The following TRPC6 variants were observed in gnomAD, a reference collection of about 807,000 sequenced individuals.
TRPC6 encodes the protein short transient receptor potential channel 6.
A neutral mutation model predicts 90.7 loss-of-function variants in TRPC6; 55 were observed. That is an observed-to-expected ratio of 0.61 (90% CI 0.49 to 0.76). The LOEUF (loss-of-function observed/expected upper bound fraction) is 0.76. TRPC6 is among the 30% of genes least tolerant of loss of function. The probability of loss-of-function intolerance (pLI) is 0.00; values close to 1 mark genes in which losing one functional copy is unlikely to be tolerated. For synonymous variants in TRPC6, 393 were observed against 393.0 expected, an observed-to-expected ratio of 1.00 and a Z score of 0.00; for missense variants, 989 against 1,122.7, an observed-to-expected ratio of 0.88 and a Z score of 1.70.
chr11:101,482,516 G>T lies in TRPC6; in HGVS notation c.1510+433C>A, dbSNP rs72984281. 3.9e-3 allele frequency among the ~76,000 whole-genome samples: 601 copies of T among 152,296 alleles called. 3 individuals are homozygous for T. Among genetic ancestry groups the T allele is most frequent in the Non-Finnish European group, 6.6e-3 (446 of 68,024 alleles). On this transcript the variant is annotated intron_variant, in intron 5 of 12. Coordinates refer to ENST00000344327, the MANE Select transcript of TRPC6 (RefSeq NM_004621.6). ...GTGCAAAGAAATGATGTGATTTGAT[G>T]TATATAAAGTGCTTGGAATAATTCT...
intron 1 of TRPC6, among the ~76,000 whole-genome samples, chr11:101,562,648 T>C (rs1459474589): frequency 6.6e-6 from 1 of 152,204 alleles, no homozygotes; most frequent in African/African-American, 2.4e-5. Flanking sequence ...TGTTGTGAGC[T>C]GAAGCATAAT....
chr11:101,452,211 A>G lies in TRPC6; in HGVS notation c.*744T>C, dbSNP rs1858779014. The G allele has an allele frequency of 2.1e-5, 3 of 144,650 alleles. No individual in the cohort carries two copies. In the Admixed American group the frequency reaches 2.1e-4, roughly 10 times the overall value. The allele number at this position is 144,650 out of a possible 1,614,324, so 9.0% of individuals were successfully genotyped here. On this transcript the variant is annotated 3_prime_UTR_variant, in exon 13 of 13. Coordinates refer to ENST00000344327, the MANE Select transcript of TRPC6 (RefSeq NM_004621.6). ...TAGTGACAATAAAAATTTATAACATAAAGAGCTTTTGTGTGTCCACATTAG... is the reference window on the plus strand; with the variant it reads ...TAGTGACAATAAAAATTTATAACATGAAGAGCTTTTGTGTGTCCACATTAG...
At chr11:101,583,268 C>T (rs1324855173) in intron 1 of TRPC6, 66 bp downstream of exon 1, 9 of 1,520,634 alleles carry the variant, frequency 5.9e-6, no homozygotes, top group African/African-American at 2.8e-5. Flanking sequence ...CTCGGCCACT[C>T]CTGCGAGCGC....
At chr11:101,472,361 A>C in intron 7 of TRPC6, 29 bp from the exon 8 acceptor site, 1 of 1,593,384 alleles carries the variant, frequency 6.3e-7, no homozygotes, top group Non-Finnish European at 8.6e-7. Flanking sequence ...AAGAAAAGAA[A>C]TAAGAAAGTG....
At position 101,475,806 on chromosome 11, in the gene TRPC6, T is replaced by C. The variant is rs1859400972; in HGVS notation, c.1744+495A>G. ...TTCATGTTGTTACAAATGACAGGAT[T>C]TTCTTCTTTTAAAAGGTGGAATACT... is the stretch of plus-strand genomic sequence containing the variant. On this transcript the variant is annotated intron_variant, in intron 6 of 12. Coordinates refer to ENST00000344327, the MANE Select transcript of TRPC6 (RefSeq NM_004621.6). Among the ~76,000 whole-genome samples, 2 of 151,510 alleles carry C rather than the reference T, an allele frequency of 1.3e-5. 1 individual carries two copies. The highest frequency in any genetic ancestry group is 4.2e-4 in the South Asian group (2 of 4,818).
intron 2 of TRPC6, 101 bp downstream of exon 2, chr11:101,503,923 G>A: frequency 7.1e-7 from 1 of 1,417,848 alleles, no homozygotes; most frequent in Non-Finnish European, 1.0e-6. Flanking sequence ...ATGACCTAGT[G>A]TCCACAGTAA....
intron 1 of TRPC6, among the ~76,000 whole-genome samples, chr11:101,522,226 G>C (rs541824673): frequency 5.0e-4 from 76 of 152,264 alleles, no homozygotes; most frequent in Non-Finnish European, 8.8e-4. Context: ...GATCAAATAT[G>C]GGTATGGATA....
chr11:101,566,052 G>A (rs1243672954), intron 1 of TRPC6, among the ~76,000 whole-genome samples: 1 of 151,892 alleles, frequency 6.6e-6, no homozygotes. Flanking sequence ...TTAGATTCTT[G>A]CAGGTAAGAA....
At chr11:101,579,700 T>C (rs1862150280) in intron 1 of TRPC6, among the ~76,000 whole-genome samples, 2 of 152,200 alleles carry the variant, frequency 1.3e-5, no homozygotes, top group African/African-American at 4.8e-5. Context: ...AGGGGAGTGT[T>C]CTTTTCTTCT....
chr11:101,582,936 C>A (rs552477256), intron 1 of TRPC6, among the ~76,000 whole-genome samples: 6 of 152,270 alleles, frequency 3.9e-5, no homozygotes, highest in African/African-American at 1.2e-4. Context: ...GGCTAAGAGT[C>A]ACCCGGGCGC....
At chr11:101,561,397 C>T (rs1353239748) in intron 1 of TRPC6, among the ~76,000 whole-genome samples, 1 of 152,126 alleles carries the variant, frequency 6.6e-6, no homozygotes, top group Non-Finnish European at 1.5e-5. Flanking sequence ...TTAGAATAAG[C>T]ACCCTTATAA....
chr11:101,524,538 G>A (rs1036881362), intron 1 of TRPC6, among the ~76,000 whole-genome samples: 6 of 152,164 alleles, frequency 3.9e-5, no homozygotes, highest in Admixed American at 6.5e-5. Context: ...CACTGTGCCC[G>A]GCCCAGGCCA....
chr11:101,465,616 G>C (rs371129771), intron 10 of TRPC6, among the ~76,000 whole-genome samples: 1 of 151,924 alleles, frequency 6.6e-6, no homozygotes, highest in Non-Finnish European at 1.5e-5. Flanking sequence ...CAAAGTTTTC[G>C]TGCTGTGTTT....
At chr11:101,473,113 C>T (rs570454468) in intron 7 of TRPC6, among the ~76,000 whole-genome samples, 1 of 152,122 alleles carries the variant, frequency 6.6e-6, no homozygotes, top group African/African-American at 2.4e-5. Context: ...GAGTGAGTCC[C>T]CTGTAAGCAG....
At chr11:101,500,949 A>G (rs1860105511) in intron 2 of TRPC6, among the ~76,000 whole-genome samples, 1 of 152,216 alleles carries the variant, frequency 6.6e-6, no homozygotes, top group African/African-American at 2.4e-5. Flanking sequence ...TTAAATGGCA[A>G]TATGTACACC....
chr11:101,459,413 TAAACTG>T (rs1199116753), intron 10 of TRPC6, among the ~76,000 whole-genome samples: 4 of 152,192 alleles, frequency 2.6e-5, no homozygotes, highest in Admixed American at 2.6e-4. Flanking sequence ...TCTAGATTGT[TAAACTG>T]ACAGTGGAAT....
chr11:101,496,941 T>C (rs1859963230), intron 2 of TRPC6, among the ~76,000 whole-genome samples: 1 of 152,222 alleles, frequency 6.6e-6, no homozygotes, highest in Non-Finnish European at 1.5e-5. Context: ...TTTCTGCCTC[T>C]CTTGAATAGA....
chr11:101,546,774 T>C (rs940708422), intron 1 of TRPC6, among the ~76,000 whole-genome samples: 8 of 152,200 alleles, frequency 5.3e-5, no homozygotes, highest in Admixed American at 2.6e-4. Flanking sequence ...TTTAAAAAGA[T>C]GTCTTTTACC....
At chr11:101,514,999 G>A (rs968509896) in intron 1 of TRPC6, among the ~76,000 whole-genome samples, 1 of 152,098 alleles carries the variant, frequency 6.6e-6, no homozygotes, top group African/African-American at 2.4e-5. Flanking sequence ...TCTGAGCCTC[G>A]GATTCCTTAA....
Sources: gnomAD v4.1 joint callset for allele counts (sites outside exome capture counted in the v4.1 genomes callset) on GRCh38, gnomAD v4.1.1 for gene constraint, MANE v1.5 for transcripts, NCBI Gene and HGNC (gene_info 2026-07-23, HGNC 2026-07-21) for gene names.